Variants in HTT observed in about 807,000 individuals in gnomAD.
HTT encodes the protein huntington disease protein.
A neutral mutation model predicts 362.3 loss-of-function variants in HTT; 104 were observed. The ratio of observed to expected loss-of-function variants is 0.29; its 90% CI spans 0.24 to 0.34. HTT has a LOEUF of 0.34. Ranked by LOEUF, HTT falls within the 10% of genes least tolerant of loss-of-function variation. The pLI is 1.00. For missense variants in HTT, 3,301 were observed against 3,928.6 expected, an observed-to-expected ratio of 0.84 and a Z score of 4.27; for synonymous variants, 1,577 against 1,548.7, an observed-to-expected ratio of 1.02 and a Z score of -0.43.
At chr4:3,135,867 C>T in intron 19 of HTT, 37 bp from the exon 20 acceptor site, 1 of 1,551,186 alleles carries the variant, frequency 6.4e-7, no homozygotes, top group South Asian at 1.2e-5. Context: ...TACTGAGTAA[C>T]TAAATGATTT....
At chr4:3,168,837 A>G (rs1717833440) in intron 29 of HTT, among the ~76,000 whole-genome samples, 1 of 152,076 alleles carries the variant, frequency 6.6e-6, no homozygotes, top group African/African-American at 2.4e-5. Flanking sequence ...TGATCATGCC[A>G]TTGCACTCCA....
At chr4:3,134,345 G>C (rs1203679372) in intron 18 of HTT, 56 bp from the exon 19 acceptor site, 1 of 1,530,260 alleles carries the variant, frequency 6.5e-7, no homozygotes, top group Non-Finnish European at 8.9e-7. Context: ...CCGTCAAGAC[G>C]CGGGTACTGA....
chr4:3,082,113 A>G (rs1018906538), intron 1 of HTT, among the ~76,000 whole-genome samples: 1 of 151,240 alleles, frequency 6.6e-6, no homozygotes, highest in African/African-American at 2.5e-5. Flanking sequence ...ATCACATTAC[A>G]TATGTATTTT....
At chr4:3,118,703 A>C (rs1715150699) in intron 8 of HTT, among the ~76,000 whole-genome samples, 1 of 152,182 alleles carries the variant, frequency 6.6e-6, no homozygotes, top group Admixed American at 6.5e-5. Flanking sequence ...TAATCCTGGA[A>C]GGACAGGGAT....
In HTT at chr4:3,220,075, G is replaced by A. The variant is rs1720604039; in HGVS notation, c.7243-107G>A. The A allele has an allele frequency of 2.5e-6, 3 of 1,224,212 alleles. No homozygotes were observed. In the South Asian group the frequency reaches 3.9e-5, roughly 16 times the overall value. The allele number at this position is 1,224,212 out of a possible 1,614,324, so 75.8% of individuals were successfully genotyped here. A position where few individuals can be genotyped will look rare whatever the true frequency, so the allele number is the denominator to read the frequency against. On this transcript the variant is annotated intron_variant, in intron 52 of 66. Coordinates refer to ENST00000355072, the MANE Select transcript of HTT (RefSeq NM_001388492.1). ...GGTGCCAGCTCTGGGACAGTGTTGG[G>A]GTAGTGAGGAGGGAGCCCAGTGGAG...
intron 2 of HTT, among the ~76,000 whole-genome samples, chr4:3,092,874 A>C (rs922020168): frequency 1.3e-5 from 2 of 152,250 alleles, no homozygotes; most frequent in Non-Finnish European, 2.9e-5. Flanking sequence ...GCATCAGGCA[A>C]AGAAGAATAG....
intron 2 of HTT, 34 bp downstream of exon 2, chr4:3,087,056 G>A: frequency 1.7e-6 from 2 of 1,181,898 alleles, no homozygotes; most frequent in Non-Finnish European, 2.5e-6. Context: ...GAGAAAATAA[G>A]AACTTTGTAT....
At position 3,074,690 on chromosome 4, in the gene HTT, A is replaced by C; in HGVS notation, c.-136A>C. The stretch of plus-strand genomic sequence containing the variant: ...GCAAGGCGCCGTGGGGGCTGCCGGG[A>C]CGGGTCCAAGATGGACGGCCGCTCA... On this transcript the variant is annotated 5_prime_UTR_variant, in exon 1 of 67. Coordinates refer to ENST00000355072, the MANE Select transcript of HTT (RefSeq NM_001388492.1). 1.2e-6 allele frequency: 1 copy of C among 840,382 alleles called. No individual in the cohort carries two copies. The highest frequency in any genetic ancestry group is 1.6e-6 in the Non-Finnish European group (1 of 612,286). 52.1% of individuals were successfully genotyped at this position (840,382 alleles called of 1,614,324 possible).
chr4:3,177,588 T>C (rs1718296807), intron 34 of HTT, among the ~76,000 whole-genome samples: 1 of 152,266 alleles, frequency 6.6e-6, no homozygotes, highest in Non-Finnish European at 1.5e-5. Context: ...TAGTTATGTA[T>C]CTGAAAATTC....
At chr4:3,130,157 C>T in intron 13 of HTT, 110 bp downstream of exon 13, 1 of 1,210,990 alleles carries the variant, frequency 8.3e-7, no homozygotes, top group Non-Finnish European at 1.2e-6. Context: ...TTTCTGAGTT[C>T]TGAATAGCTG....
At position 3,218,616 on chromosome 4, in the gene HTT, G is replaced by C. The variant is rs1345724368; in HGVS notation, c.7242+664G>C. ...CCACTGCACTCTAGCCTGGGCAACA[G>C]AGCAAGACTCCGTCTCAAAAAAAAA... On this transcript the variant is annotated intron_variant, in intron 52 of 66. Transcript: ENST00000355072. The surrounding 1 kb of genome is among the most constrained non-coding windows in gnomAD (Gnocchi z 4.4). Among the ~76,000 whole-genome samples the C allele has an allele frequency of 1.3e-5, 2 of 151,708 alleles. No homozygotes were observed. Among genetic ancestry groups the C allele is most frequent in the Non-Finnish European group, 2.9e-5 (2 of 67,954 alleles).
At position 3,175,171 on chromosome 4, in the gene HTT, G is replaced by T. The variant is rs180899671; in HGVS notation, c.4407+64G>T. The T allele has an allele frequency of 2.1e-6, 3 of 1,422,562 alleles. No homozygotes were observed. In the East Asian group the frequency reaches 6.9e-5, roughly 33 times the overall value. 88.1% of individuals were successfully genotyped at this position (1,422,562 alleles called of 1,614,324 possible). On this transcript the variant is annotated intron_variant, in intron 33 of 66. Coordinates refer to ENST00000355072, the MANE Select transcript of HTT (RefSeq NM_001388492.1). ...TAATTTAGTACAAATTACCCTAAAA[G>T]ACACTGAAATCTACTTTAAAGAAAT...
chr4:3,102,351 T>C (rs1281764461), intron 3 of HTT, among the ~76,000 whole-genome samples: 1 of 152,234 alleles, frequency 6.6e-6, no homozygotes, highest in Non-Finnish European at 1.5e-5. Context: ...TTTAGTTTTC[T>C]CTTGTTATAC....
chr4:3,106,644 T>G lies in HTT; in HGVS notation c.609-641T>G, dbSNP rs77798147. On this transcript the variant is annotated intron_variant, in intron 5 of 66. Coordinates refer to ENST00000355072, the MANE Select transcript of HTT (RefSeq NM_001388492.1). ...ACCTCAGACACCCTGCATTGACTCATTAGTCTGATTAGAGTCAGGTTTTTC... is the reference window on the plus strand; with the variant it reads ...ACCTCAGACACCCTGCATTGACTCAGTAGTCTGATTAGAGTCAGGTTTTTC... 4.9e-3 allele frequency among the ~76,000 whole-genome samples: 747 copies of G among 152,282 alleles called. 7 individuals carry two copies. Among genetic ancestry groups the G allele is most frequent in the African/African-American group, 0.016 (649 of 41,574 alleles).
intron 28 of HTT, among the ~76,000 whole-genome samples, 194 bp downstream of exon 28, chr4:3,157,393 A>G (rs971840318): frequency 6.6e-6 from 1 of 152,060 alleles, no homozygotes; most frequent in Admixed American, 6.6e-5. Context: ...GGATTTTCAT[A>G]TTGTTTGTAC....
intron 27 of HTT, among the ~76,000 whole-genome samples, chr4:3,155,296 A>G (rs151038999): frequency 0.012 from 1,816 of 151,840 alleles, 34 homozygotes; most frequent in African/African-American, 0.039. Context: ...ATCTCGGCTC[A>G]GTGCAAGCTC....
chr4:3,213,677 C>A (rs555220512), intron 49 of HTT, among the ~76,000 whole-genome samples: 1 of 152,212 alleles, frequency 6.6e-6, no homozygotes, highest in East Asian at 1.9e-4. Flanking sequence ...CTGGTGGCCA[C>A]GTAGCCCAGG....
intron 26 of HTT, among the ~76,000 whole-genome samples, chr4:3,151,130 A>G (rs1380472109): frequency 6.6e-6 from 1 of 151,960 alleles, no homozygotes. Flanking sequence ...CTCTCAGGCC[A>G]GTGGTGGCAT....
At chr4:3,193,473 C>T (rs183496879) in intron 40 of HTT, among the ~76,000 whole-genome samples, 17 of 152,352 alleles carry the variant, frequency 1.1e-4, no homozygotes, top group Admixed American at 1.1e-3. Flanking sequence ...AAGGACTAGT[C>T]TTGCCTTTGT....
Sources: allele counts gnomAD v4.1 joint callset (sites outside exome capture counted in the v4.1 genomes callset), GRCh38; gene constraint gnomAD v4.1.1; non-coding constraint Gnocchi (gnomAD v3.1); transcripts MANE v1.5; gene names NCBI Gene and HGNC (gene_info 2026-07-23, HGNC 2026-07-21).